The following FHOD3 variants were observed in gnomAD, a reference collection of about 807,000 sequenced individuals.
The protein encoded by FHOD3 is FH1/FH2 domain-containing protein 3.
In FHOD3, 90 loss-of-function variants were observed where a neutral mutation model predicts 173.0. The observed-to-expected ratio is 0.52, with a 90% CI of 0.44 to 0.62. FHOD3 has a LOEUF of 0.62. Among genes scored for constraint, FHOD3 ranks in the 20% least tolerant of loss-of-function variants. The probability of loss-of-function intolerance (pLI) is 0.00; values close to 1 mark genes in which losing one functional copy is unlikely to be tolerated. For missense variants in FHOD3, 1,945 were observed against 2,034.7 expected (o/e 0.96, Z 0.85); for synonymous variants, 828 against 823.0 (o/e 1.01, Z -0.10).
At chr18:36,698,503 T>C (rs186074945) in intron 17 of FHOD3, among the ~76,000 whole-genome samples, 174 of 152,214 alleles carry the variant, frequency 1.1e-3, no homozygotes, top group Non-Finnish European at 2.1e-3. Context: ...GGCAAGAGAA[T>C]AGCTTGAACC....
chr18:36,648,949 G>C (rs2035863599), intron 10 of FHOD3, among the ~76,000 whole-genome samples: 2 of 152,212 alleles, frequency 1.3e-5, no homozygotes, highest in African/African-American at 4.8e-5. Context: ...TTTACTGGAT[G>C]ATTCTGTGTG....
chr18:36,502,588 GGC>G (rs1392954796), intron 4 of FHOD3, among the ~76,000 whole-genome samples: 1 of 152,072 alleles, frequency 6.6e-6, no homozygotes, highest in Non-Finnish European at 1.5e-5. Flanking sequence ...TCTTTTTTAT[GGC>G]TGCATAGTGT....
At chr18:36,699,226 A>T (rs1390303137) in intron 17 of FHOD3, among the ~76,000 whole-genome samples, 1 of 152,274 alleles carries the variant, frequency 6.6e-6, no homozygotes, top group African/African-American at 2.4e-5. Context: ...TGAAATTTGT[A>T]TCCTAAAGTC....
At chr18:36,554,342 C>T (rs547685082) in intron 5 of FHOD3, among the ~76,000 whole-genome samples, 13 of 152,208 alleles carry the variant, frequency 8.5e-5, no homozygotes, top group African/African-American at 2.6e-4. Flanking sequence ...TGTAGGGACA[C>T]GGATGAAGCT....
At position 36,625,514 on chromosome 18, in the gene FHOD3, G is replaced by A; in HGVS notation, c.961G>A (p.Ala321Thr). ...TGGGCGTGCTCTGCTTTTCCAGGTG[G>A]CGCTCAGGCACGAGGATGGCGATGA... ...LVEQLNIYEVALRHEDGDETT... is the reference protein window; with the variant it reads ...LVEQLNIYEVTLRHEDGDETT... The change falls in exon 10 of 29, where the codon GCG (alanine) becomes ACG (threonine). Residue 321 changes from alanine (A) to threonine (T), a missense_variant. Coordinates refer to ENST00000590592, the MANE Select transcript of FHOD3 (RefSeq NM_001281740.3). 5 of 1,418,052 alleles carry A rather than the reference G, an allele frequency of 3.5e-6. No homozygotes were observed. The highest frequency in any genetic ancestry group is 4.7e-6 in the Non-Finnish European group (5 of 1,071,308). The allele number at this position is 1,418,052 out of a possible 1,614,324, so 87.8% of individuals were successfully genotyped here. A position where few individuals can be genotyped will look rare whatever the true frequency, so the allele number is the denominator to read the frequency against.
chr18:36,514,040 G>T (rs1301426005), intron 5 of FHOD3, among the ~76,000 whole-genome samples: 2 of 52,744 alleles, frequency 3.8e-5, no homozygotes, highest in Non-Finnish European at 1.0e-4. Context: ...ATGGAGTCTT[G>T]CTCTGTCACC....
rs376678359 is a variant in FHOD3 at position 36,687,130 on chromosome 18, G to A, written c.1973G>A (p.Arg658Gln). The part of the protein sequence containing the change: ...IEREERNKFS[R>Q]DYLDKREEQR... Reference sequence around the variant, plus strand: ...TTTGTTCTACATATTTCCATTAGCCGAGATTATTTAGACAAAAGAGAGGAG... The same window carrying A: ...TTTGTTCTACATATTTCCATTAGCCAAGATTATTTAGACAAAAGAGAGGAG... Residue 658 changes from arginine to glutamine, a missense_variant and splice_region_variant, in exon 16 of 29, where the codon CGA becomes CAA. Physicochemically the swap from Arg to Gln is conservative, Grantham distance 43. Transcript: ENST00000590592. 17 of 1,608,248 alleles carry A rather than the reference G, an allele frequency of 1.1e-5. No individual in the cohort carries two copies. Among genetic ancestry groups the A allele is most frequent in the East Asian group, 6.7e-5 (3 of 44,732 alleles).
At chr18:36,667,712 T>G (rs1479051285) in intron 14 of FHOD3, among the ~76,000 whole-genome samples, 1 of 152,188 alleles carries the variant, frequency 6.6e-6, no homozygotes, top group Non-Finnish European at 1.5e-5. Context: ...TGAACATTAC[T>G]GTTCATGCCT....
chr18:36,536,017 A>T (rs2056978273), intron 5 of FHOD3, among the ~76,000 whole-genome samples: 1 of 152,246 alleles, frequency 6.6e-6, no homozygotes, highest in Non-Finnish European at 1.5e-5. Context: ...TACCAATGAT[A>T]TGAATGAAAT....
intron 5 of FHOD3, among the ~76,000 whole-genome samples, chr18:36,569,184 A>G (rs1392440863): frequency 1.3e-5 from 2 of 152,196 alleles, no homozygotes; most frequent in East Asian, 1.9e-4. Context: ...TAAAAGACAG[A>G]CATTAATGAA....
intron 5 of FHOD3, among the ~76,000 whole-genome samples, chr18:36,533,063 A>G (rs750422527): frequency 6.6e-6 from 1 of 152,140 alleles, no homozygotes; most frequent in South Asian, 2.1e-4. Context: ...GCACAATATT[A>G]TGCTTCCTCG....
At chr18:36,562,727 A>G (rs1258311704) in intron 5 of FHOD3, among the ~76,000 whole-genome samples, 1 of 152,206 alleles carries the variant, frequency 6.6e-6, no homozygotes, top group East Asian at 1.9e-4. Flanking sequence ...GGAGAGCCAT[A>G]ACTCAAGCAC....
chr18:36,348,251 C>G (rs1397161389), intron 1 of FHOD3, among the ~76,000 whole-genome samples: 4 of 152,170 alleles, frequency 2.6e-5, no homozygotes. Flanking sequence ...TGCCTAGCAA[C>G]AAAAGTACCA....
chr18:36,522,456 G>T (rs564254207), intron 5 of FHOD3, among the ~76,000 whole-genome samples: 5 of 152,208 alleles, frequency 3.3e-5, no homozygotes, highest in Non-Finnish European at 7.3e-5. Flanking sequence ...TAGTTCAGTA[G>T]GTGGATATAT....
chr18:36,499,436 T>C (rs2054911080), intron 3 of FHOD3, among the ~76,000 whole-genome samples: 1 of 152,206 alleles, frequency 6.6e-6, no homozygotes, highest in Non-Finnish European at 1.5e-5. Context: ...TGGAATTGGC[T>C]CTTTTCTACT....
intron 1 of FHOD3, among the ~76,000 whole-genome samples, chr18:36,326,644 C>G (rs147192129): frequency 2.7e-3 from 418 of 152,004 alleles, no homozygotes; most frequent in African/African-American, 9.6e-3. Context: ...CGCAGGTACT[C>G]GGAGGCTGAG....
chr18:36,327,399 C>G (rs769376331), intron 1 of FHOD3, among the ~76,000 whole-genome samples: 3 of 152,174 alleles, frequency 2.0e-5, no homozygotes, highest in Non-Finnish European at 4.4e-5. Context: ...CGGCTTTTGC[C>G]GTTACTTTCA....
At chr18:36,685,650 G>A (rs117921532) in intron 15 of FHOD3, among the ~76,000 whole-genome samples, 1,951 of 152,022 alleles carry the variant, frequency 0.013, 51 homozygotes, top group Admixed American at 0.065. Flanking sequence ...TTTTTCTCCC[G>A]GTCCTACACT....
intron 10 of FHOD3, among the ~76,000 whole-genome samples, chr18:36,648,697 G>T (rs1221065860): frequency 6.6e-6 from 1 of 152,050 alleles, no homozygotes; most frequent in African/African-American, 2.4e-5. Context: ...ATATGAATTG[G>T]CCCCACTTGG....
Sources: gnomAD v4.1 joint callset for allele counts (sites outside exome capture counted in the v4.1 genomes callset) on GRCh38, gnomAD v4.1.1 for gene constraint, MANE v1.5 for transcripts, NCBI Gene and HGNC (gene_info 2026-07-23, HGNC 2026-07-21) for gene names.